Variants in KHDC4 observed in about 807,000 individuals in gnomAD.
KHDC4 encodes KH domain containing 4, pre-mRNA splicing factor, also known as KH homology domain-containing protein 4.
In KHDC4, 19 loss-of-function variants were observed where a neutral mutation model predicts 74.5. That is an observed-to-expected ratio of 0.26 (90% CI 0.18 to 0.37). The LOEUF is 0.37. KHDC4 is among the 10% of genes least tolerant of loss of function. The pLI, the probability that KHDC4 is intolerant of heterozygous loss-of-function variation, is 1.00. For synonymous variants in KHDC4, 253 were observed against 266.1 expected (o/e 0.95, Z 0.48); for missense variants, 632 against 754.1 (o/e 0.84, Z 1.90).
intron 10 of KHDC4, among the ~76,000 whole-genome samples, chr1:155,918,971 G>GTTTTTTTTTTTTT (rs66693073): frequency 1.9e-5 from 2 of 107,444 alleles, no homozygotes; most frequent in Admixed American, 1.2e-4. Context: ...CTAACTCCCA[G>GTTTTTTTTTTTTT]TTTTTTTTTT....
chr1:155,926,994 C>T lies in KHDC4; in HGVS notation c.517+110G>A. On this transcript the variant is annotated intron_variant, in intron 5 of 13. Coordinates refer to ENST00000368321, the MANE Select transcript of KHDC4 (RefSeq NM_014949.4). Reference sequence around the variant, plus strand: ...CTCCCATACAAATTCGTGTATAGTTCATGAACAAGGGTTAGAACAGCCATC... The same window carrying T: ...CTCCCATACAAATTCGTGTATAGTTTATGAACAAGGGTTAGAACAGCCATC... 2.3e-6 allele frequency: 3 copies of T among 1,322,040 alleles called. No homozygotes were observed. In the South Asian group the frequency reaches 3.6e-5, roughly 16 times the overall value. The allele number at this position is 1,322,040 out of a possible 1,614,324, so 81.9% of individuals were successfully genotyped here. A position where few individuals can be genotyped will look rare whatever the true frequency, so the allele number is the denominator to read the frequency against.
rs1673739907 is a variant in KHDC4 at position 155,916,753 on chromosome 1, T to C, written c.1441-16A>G. ...TGGGTCCATGCTATGAGCAGAAAAA[T>C]ACAGTGGCATTAGCAAATCTACAAC... On this transcript the variant is annotated splice_polypyrimidine_tract_variant and intron_variant, in intron 11 of 13. Transcript: ENST00000368321. 6.5e-7 allele frequency: 1 copy of C among 1,540,682 alleles called. No individual in the cohort carries two copies. Among genetic ancestry groups the C allele is most frequent in the Non-Finnish European group, 8.9e-7 (1 of 1,117,664 alleles).
At chr1:155,933,048 TA>T (rs1408306678) in intron 2 of KHDC4, among the ~76,000 whole-genome samples, 15 of 152,178 alleles carry the variant, frequency 9.9e-5, no homozygotes, top group African/African-American at 3.6e-4. Context: ...GCACATATAT[TA>T]AAAACATGTT....
At position 155,933,777 on chromosome 1, in the gene KHDC4, C is replaced by T. The variant is rs981269513; in HGVS notation, c.111G>A (p.Glu37=). The T allele has an allele frequency of 6.3e-7, 1 of 1,598,708 alleles. No homozygotes were observed. The highest frequency in any genetic ancestry group is 8.5e-7 in the Non-Finnish European group (1 of 1,171,182). ...CAGGACTTCCCCCACTGCTGGTGAC[C>T]TCCCCACCTGGGGCCGCTGGCGGGA... ...LFLPPAAPGG[E]VTSSGGSPGG... is the part of the protein sequence containing the mutation. The change falls in exon 2 of 14, where the codon GAG becomes GAA. Residue 37 remains glutamate, a synonymous_variant. Coordinates refer to ENST00000368321, the MANE Select transcript of KHDC4 (RefSeq NM_014949.4).
intron 10 of KHDC4, chr1:155,920,154 T>A (rs942916065): frequency 3.5e-6 from 1 of 287,816 alleles, no homozygotes; most frequent in African/African-American, 2.2e-5. Context: ...ATTTAAGAAA[T>A]TGTGGCCAGG....
chr1:155,925,222 G>A (rs987412320), intron 7 of KHDC4, among the ~76,000 whole-genome samples: 4 of 151,588 alleles, frequency 2.6e-5, no homozygotes, highest in South Asian at 4.2e-4. Flanking sequence ...TAGTAGAGAC[G>A]GGGTTTCACC....
intron 1 of KHDC4, 35 bp from the exon 2 acceptor site, chr1:155,933,884 A>G (rs1047339440): frequency 6.9e-7 from 1 of 1,455,424 alleles, no homozygotes; most frequent in Non-Finnish European, 9.2e-7. Context: ...TAGGCCCCAA[A>G]GCTTTCGTGT....
rs759938707 is a variant in KHDC4, at chr1:155,934,383, T to C, written c.-10A>G. 6.2e-7 allele frequency: 1 copy of C among 1,612,134 alleles called. No individual in the cohort carries two copies. The highest frequency in any genetic ancestry group is 1.1e-5 in the South Asian group (1 of 91,042). ...CGCTCCCCGCGGACATGGCGACCGCTTCTACTCAACCACCCGCCAACTATC... is the reference window on the plus strand; with the variant it reads ...CGCTCCCCGCGGACATGGCGACCGCCTCTACTCAACCACCCGCCAACTATC... On this transcript the variant is annotated 5_prime_UTR_variant, in exon 1 of 14. Coordinates refer to ENST00000368321, the MANE Select transcript of KHDC4 (RefSeq NM_014949.4).
intron 1 of KHDC4, 32 bp from the exon 2 acceptor site, chr1:155,933,881 C>T: frequency 6.8e-7 from 1 of 1,465,094 alleles, no homozygotes; most frequent in South Asian, 1.3e-5. Context: ...CATTAGGCCC[C>T]AAAGCTTTCG....
intron 1 of KHDC4, 96 bp from the exon 2 acceptor site, chr1:155,933,945 A>G: frequency 1.0e-6 from 1 of 984,722 alleles, no homozygotes; most frequent in Non-Finnish European, 1.4e-6. Context: ...CCTCTATTAT[A>G]TTCCATTTAC....
Position 155,927,871 on chromosome 1 carries a change from CACAA to C in KHDC4, c.465-719_465-716del, listed in dbSNP as rs1226844289. On this transcript the variant is annotated intron_variant, in intron 4 of 13. Coordinates refer to ENST00000368321, the MANE Select transcript of KHDC4 (RefSeq NM_014949.4). ...ACACACACACACACACACACACACA[CACAA>C]AATTAATGGGGAAAGATTGATCATG... Among the ~76,000 whole-genome samples, 234 of 44,042 alleles carry C rather than the reference CACAA, an allele frequency of 5.3e-3. 2 individuals carry two copies. In the East Asian group the frequency reaches 0.11, roughly 20 times the overall value. The allele number at this position is 44,042 out of a possible 152,430, so 28.9% of individuals were successfully genotyped here. A position where few individuals can be genotyped will look rare whatever the true frequency, so the allele number is the denominator to read the frequency against.
At position 155,913,855 on chromosome 1, in the gene KHDC4, T is replaced by G. The variant is rs1673677576; in HGVS notation, c.*266A>C. On this transcript the variant is annotated 3_prime_UTR_variant, in exon 14 of 14. Transcript: ENST00000368321. ...GGAACGACCCTGTTAGGATGCTTTGTTGGACAAGCACATTTCACCAACTGT... is the reference window on the plus strand; with the variant it reads ...GGAACGACCCTGTTAGGATGCTTTGGTGGACAAGCACATTTCACCAACTGT... 1 of 456,566 alleles carries G rather than the reference T, an allele frequency of 2.2e-6. No individual in the cohort carries two copies. The highest frequency in any genetic ancestry group is 4.0e-6 in the Non-Finnish European group (1 of 252,400). The allele number at this position is 456,566 out of a possible 1,614,324, so 28.3% of individuals were successfully genotyped here. A position where few individuals can be genotyped will look rare whatever the true frequency, so the allele number is the denominator to read the frequency against.
At chr1:155,927,832 C>CACACA (rs1189399959) in intron 4 of KHDC4, among the ~76,000 whole-genome samples, 1 of 90,940 alleles carries the variant, frequency 1.1e-5, no homozygotes, top group African/African-American at 5.2e-5. Context: ...AAAAAAAAAA[C>CACACA]CACACACACA....
In KHDC4 at chr1:155,934,396, C is replaced by T. The variant is rs1304393514; in HGVS notation, c.-23G>A. 1.9e-6 allele frequency: 3 copies of T among 1,611,408 alleles called. No individual in the cohort carries two copies. Among genetic ancestry groups the T allele is most frequent in the Admixed American group, 1.7e-5 (1 of 59,974 alleles). On this transcript the variant is annotated 5_prime_UTR_variant, in exon 1 of 14. In the 5' UTR this introduces an upstream ATG that the reference lacks. Transcript: ENST00000368321. ...CATGGCGACCGCTTCTACTCAACCA[C>T]CCGCCAACTATCCGACTACCACCTC...
rs748254692 is a variant in KHDC4 at position 155,915,805 on chromosome 1, C to A, written c.1645+68G>T. ...TACAGGCGTGAGCCACTGCGCCCGG[C>A]TGAGAAAACTAATAGCTTTAGACCA... On this transcript the variant is annotated intron_variant, in intron 13 of 13. Coordinates refer to ENST00000368321, the MANE Select transcript of KHDC4 (RefSeq NM_014949.4). 2.8e-6 allele frequency: 3 copies of A among 1,061,724 alleles called. No individual in the cohort carries two copies. In the South Asian group the frequency reaches 4.5e-5, roughly 16 times the overall value. The allele number at this position is 1,061,724 out of a possible 1,614,324, so 65.8% of individuals were successfully genotyped here.
At chr1:155,919,866 TAG>T (rs1673817593) in intron 10 of KHDC4, 1 of 263,668 alleles carries the variant, frequency 3.8e-6, no homozygotes, top group Non-Finnish European at 7.8e-6. Context: ...TAAATTTGAC[TAG>T]AGACCACAAA....
At chr1:155,925,272 C>A (rs1340747185) in intron 7 of KHDC4, among the ~76,000 whole-genome samples, 7 of 151,938 alleles carry the variant, frequency 4.6e-5, no homozygotes, top group Non-Finnish European at 1.0e-4. Flanking sequence ...ACCTCGTGAT[C>A]CACCCGCCTC....
intron 9 of KHDC4, 86 bp downstream of exon 9, chr1:155,921,775 C>T (rs1673868923): frequency 2.9e-6 from 4 of 1,402,326 alleles, no homozygotes; most frequent in Non-Finnish European, 3.0e-6. Flanking sequence ...ATTAATAGTG[C>T]CCTGGCACAG....
intron 4 of KHDC4, among the ~76,000 whole-genome samples, chr1:155,927,833 C>CAAAAAAAA (rs1674045560): frequency 1.5e-4 from 1 of 6,756 alleles, no homozygotes; most frequent in African/African-American, 3.6e-4. Flanking sequence ...AAAAAAAAAC[C>CAAAAAAAA]ACACACACAC....
Sources: gnomAD v4.1 joint callset for allele counts (sites outside exome capture counted in the v4.1 genomes callset) on GRCh38, gnomAD v4.1.1 for gene constraint, MANE v1.5 for transcripts, NCBI Gene and HGNC (gene_info 2026-07-23, HGNC 2026-07-21) for gene names.